Variants in ASIC2 observed in about 807,000 individuals in gnomAD.
ASIC2 encodes the protein acid-sensing ion channel 2.
In ASIC2, 25 loss-of-function variants were observed where a neutral mutation model predicts 57.3. That is an observed-to-expected ratio of 0.44 (90% CI 0.32 to 0.61). The LOEUF is 0.61. Among genes scored for constraint, ASIC2 ranks in the 20% least tolerant of loss-of-function variants. The probability of loss-of-function intolerance (pLI) is 0.06; values close to 1 mark genes in which losing one functional copy is unlikely to be tolerated. For synonymous variants in ASIC2, 319 were observed against 307.5 expected (o/e 1.04, Z -0.39); for missense variants, 641 against 738.1 (o/e 0.87, Z 1.52).
At chr17:33,365,541 A>T (rs1265694330) in intron 1 of ASIC2, among the ~76,000 whole-genome samples, 1 of 152,172 alleles carries the variant, frequency 6.6e-6, no homozygotes, top group Non-Finnish European at 1.5e-5. Flanking sequence ...TTAAGTCGTG[A>T]GTACCTGTTA....
At chr17:33,160,470 G>A (rs977482058) in intron 1 of ASIC2, among the ~76,000 whole-genome samples, 2 of 152,152 alleles carry the variant, frequency 1.3e-5, no homozygotes, top group South Asian at 4.1e-4. Flanking sequence ...CTTACGTTCT[G>A]CCTTGACAGT....
Position 33,292,173 on chromosome 17 carries a change from G to A in ASIC2, c.-58C>T, listed in dbSNP as rs973856482. The A allele has an allele frequency of 9.8e-7, 1 of 1,017,522 alleles. No individual in the cohort carries two copies. Among genetic ancestry groups the A allele is most frequent in the Non-Finnish European group, 1.2e-6 (1 of 853,148 alleles). 63.0% of individuals were successfully genotyped at this position (1,017,522 alleles called of 1,614,324 possible). A position where few individuals can be genotyped will look rare whatever the true frequency, so the allele number is the denominator to read the frequency against. On this transcript the variant is annotated 5_prime_UTR_variant, in exon 1 of 10. Coordinates refer to ENST00000225823, the MANE Select transcript of ASIC2 (RefSeq NM_183377.2). ...GGCCCCGGCCGGGCGGAGCCGCCAT[G>A]GGAGTCCGCAGCAGCAGTGGAAGCA...
intron 3 of ASIC2, among the ~76,000 whole-genome samples, chr17:33,034,640 G>A (rs759348036): frequency 6.6e-6 from 1 of 152,180 alleles, no homozygotes; most frequent in Non-Finnish European, 1.5e-5. Context: ...TTTCAAAGGT[G>A]TTATTCCTCT....
chr17:33,787,032 A>G (rs1224111171), intron 1 of ASIC2, among the ~76,000 whole-genome samples: 1 of 152,110 alleles, frequency 6.6e-6, no homozygotes, highest in East Asian at 1.9e-4. Context: ...ATTTACAGAT[A>G]CTCTTCTCAT....
intron 1 of ASIC2, among the ~76,000 whole-genome samples, chr17:33,943,098 AG>A (rs1194313059): frequency 3.3e-5 from 5 of 152,244 alleles, no homozygotes; most frequent in Admixed American, 1.3e-4. Flanking sequence ...GCCCAGAAAA[AG>A]GAATGATCTA....
chr17:33,114,926 C>G (rs1053920964), intron 1 of ASIC2, among the ~76,000 whole-genome samples: 9 of 152,208 alleles, frequency 5.9e-5, no homozygotes, highest in African/African-American at 1.9e-4. Flanking sequence ...AAGATCCCCC[C>G]ATCTCTGAAC....
intron 1 of ASIC2, among the ~76,000 whole-genome samples, chr17:33,388,902 T>A (rs1909791393): frequency 6.6e-6 from 1 of 152,244 alleles, no homozygotes; most frequent in African/African-American, 2.4e-5. Context: ...TCATGGCCTC[T>A]GCGGCCACAT....
intron 1 of ASIC2, among the ~76,000 whole-genome samples, chr17:33,894,030 T>A (rs1486855138): frequency 6.6e-6 from 1 of 152,206 alleles, no homozygotes; most frequent in Non-Finnish European, 1.5e-5. Context: ...AAGAAGAATT[T>A]TGTTTTTAAA....
At chr17:33,103,674 T>A (rs929484234) in intron 2 of ASIC2, among the ~76,000 whole-genome samples, 3 of 152,162 alleles carry the variant, frequency 2.0e-5, no homozygotes, top group Non-Finnish European at 4.4e-5. Flanking sequence ...TATCTTGAGC[T>A]TGTAGTCTCC....
chr17:33,261,718 G>A (rs989213287), intron 1 of ASIC2, among the ~76,000 whole-genome samples: 1 of 152,218 alleles, frequency 6.6e-6, no homozygotes, highest in Non-Finnish European at 1.5e-5. Context: ...GGAGGAAACT[G>A]AGGCACAGAT....
At chr17:33,319,125 G>C (rs1401261784) in intron 1 of ASIC2, among the ~76,000 whole-genome samples, 1 of 152,216 alleles carries the variant, frequency 6.6e-6, no homozygotes, top group Non-Finnish European at 1.5e-5. Flanking sequence ...AGCTACTCAG[G>C]AGGCTGAGGC....
At chr17:33,765,099 CA>C (rs1252396655) in intron 1 of ASIC2, among the ~76,000 whole-genome samples, 6 of 151,988 alleles carry the variant, frequency 3.9e-5, no homozygotes, top group African/African-American at 1.2e-4. Context: ...CTTGATGGAG[CA>C]TAATTGTTTT....
At chr17:33,028,098 G>T in intron 4 of ASIC2, 144 bp downstream of exon 4, 1 of 1,183,208 alleles carries the variant, frequency 8.5e-7, no homozygotes, top group Non-Finnish European at 1.2e-6. Flanking sequence ...CCTCTTAATA[G>T]GCACCAAATA....
At chr17:34,088,835 C>A (rs988449416) in intron 1 of ASIC2, among the ~76,000 whole-genome samples, 1 of 152,324 alleles carries the variant, frequency 6.6e-6, no homozygotes, top group Middle Eastern at 3.4e-3. Flanking sequence ...TAGGACCCTC[C>A]GAGCCACGTG....
At chr17:34,099,691 GAAGAAAGAAAGGAAAAAAGA>G (rs1910758088) in intron 1 of ASIC2, among the ~76,000 whole-genome samples, 1 of 132,562 alleles carries the variant, frequency 7.5e-6, no homozygotes, top group Non-Finnish European at 1.6e-5. Context: ...AAAAGAAAGA[GAAGAAAGAAAGGAAAAAAGA>G]AAGAAAGAAA....
intron 6 of ASIC2, among the ~76,000 whole-genome samples, chr17:33,023,522 A>C (rs117607559): frequency 0.024 from 3,595 of 152,024 alleles, 41 homozygotes; most frequent in Middle Eastern, 0.031. Flanking sequence ...AATTCTCTGA[A>C]GCTTTCCCTG....
At chr17:33,876,575 A>G (rs1242707737) in intron 1 of ASIC2, among the ~76,000 whole-genome samples, 2 of 152,228 alleles carry the variant, frequency 1.3e-5, no homozygotes, top group East Asian at 1.9e-4. Context: ...TGTGAGGAGT[A>G]TAATTACTGT....
chr17:33,578,425 C>T (rs1364772399), intron 1 of ASIC2, among the ~76,000 whole-genome samples: 1 of 152,170 alleles, frequency 6.6e-6, no homozygotes, highest in Non-Finnish European at 1.5e-5. Flanking sequence ...CTACCTTACT[C>T]ATTTACAGTA....
At chr17:33,709,240 A>G (rs1344550896) in intron 1 of ASIC2, among the ~76,000 whole-genome samples, 2 of 152,190 alleles carry the variant, frequency 1.3e-5, no homozygotes, top group Non-Finnish European at 2.9e-5. Context: ...AATTAAAGAC[A>G]AAGTGTTATA....
Sources: gnomAD v4.1 joint callset for allele counts (sites outside exome capture counted in the v4.1 genomes callset) on GRCh38, gnomAD v4.1.1 for gene constraint, MANE v1.5 for transcripts, NCBI Gene and HGNC (gene_info 2026-07-23, HGNC 2026-07-21) for gene names.